CTTN: variants seen among roughly 807,000 people sequenced by gnomAD.
CTTN encodes the protein cortactin, also known as src substrate cortactin.
A neutral mutation model predicts 84.0 loss-of-function variants in CTTN; 28 were observed. The observed-to-expected ratio is 0.33, with a 90% CI of 0.25 to 0.46. CTTN has a LOEUF of 0.46. Among genes scored for constraint, CTTN ranks in the 20% least tolerant of loss-of-function variants. The pLI is 1.00. For missense variants in CTTN, 641 were observed against 723.8 expected (o/e 0.89, Z 1.31); for synonymous variants, 301 against 288.8 (o/e 1.04, Z -0.43).
intron 16 of CTTN, 124 bp downstream of exon 16, chr11:70,433,402 A>G (rs1208073248): frequency 3.8e-6 from 4 of 1,051,318 alleles, no homozygotes; most frequent in East Asian, 2.6e-5. Flanking sequence ...CTTGCTTGCT[A>G]TAGGGTCTTC....
intron 1 of CTTN, among the ~76,000 whole-genome samples, chr11:70,404,367 A>G (rs1282289884): frequency 6.6e-6 from 1 of 152,082 alleles, no homozygotes; most frequent in East Asian, 1.9e-4. Flanking sequence ...GTCCTAGGGA[A>G]GGGGTCGTGT....
intron 11 of CTTN, chr11:70,422,110 G>GT (rs2058243287): frequency 4.4e-6 from 1 of 227,018 alleles, no homozygotes; most frequent in African/African-American, 2.2e-5. Context: ...TGTTTGTTCT[G>GT]TTTGATGACA....
chr11:70,433,083 C>T lies in CTTN; in HGVS notation c.1267-18C>T, dbSNP rs768227424. The T allele has an allele frequency of 7.2e-5, 116 of 1,611,292 alleles. No individual in the cohort carries two copies. The highest frequency in any genetic ancestry group is 1.7e-4 in the Middle Eastern group (1 of 6,060). ...GCCAGCATGGGCCCCGTGCCATGTG[C>T]GTGTGACCCTTCCCCAGGATGCGGC... On this transcript the variant is annotated intron_variant, in intron 15 of 17. Coordinates refer to ENST00000301843, the MANE Select transcript of CTTN (RefSeq NM_005231.4).
At chr11:70,398,832 T>G (rs1210327678) in intron 1 of CTTN, among the ~76,000 whole-genome samples, 9 of 144,594 alleles carry the variant, frequency 6.2e-5, no homozygotes, top group African/African-American at 2.3e-4. Context: ...CGAGGACGGG[T>G]CTGGGCCCAA....
At chr11:70,434,310 C>G (rs2058390089) in intron 17 of CTTN, among the ~76,000 whole-genome samples, 3 of 152,248 alleles carry the variant, frequency 2.0e-5, no homozygotes, top group Non-Finnish European at 4.4e-5. Context: ...ATAGCATCCA[C>G]TTGTCCCTCT....
At chr11:70,432,231 C>A (rs1223308697) in intron 15 of CTTN, among the ~76,000 whole-genome samples, 3 of 152,218 alleles carry the variant, frequency 2.0e-5, no homozygotes, top group African/African-American at 4.8e-5. Context: ...CGGCCTCCCC[C>A]TCTAGTCCCT....
chr11:70,415,889 C>T, intron 7 of CTTN, 172 bp downstream of exon 7: 1 of 646,416 alleles, frequency 1.5e-6, no homozygotes, highest in Non-Finnish European at 2.8e-6. Context: ...CTGCCCTCCT[C>T]TTCATGTTTC....
intron 13 of CTTN, 92 bp downstream of exon 13, chr11:70,425,493 C>G (rs188816276): frequency 3.4e-6 from 3 of 884,014 alleles, no homozygotes; most frequent in Non-Finnish European, 5.5e-6. Context: ...AGCAGATGCA[C>G]CACTAGTTGA....
Position 70,431,188 on chromosome 11 carries a change from C to T in CTTN, c.1177-3C>T. The stretch of plus-strand genomic sequence containing the variant: ...TCTGATTGCTGTTTGTTTTCAATCA[C>T]AGGAGCAAGCCAGAGCCAAAACGCA... On this transcript the variant is annotated splice_region_variant and splice_polypyrimidine_tract_variant and intron_variant, in intron 14 of 17. Coordinates refer to ENST00000301843, the MANE Select transcript of CTTN (RefSeq NM_005231.4). 6.2e-7 allele frequency: 1 copy of T among 1,614,092 alleles called. No homozygotes were observed. Among genetic ancestry groups the T allele is most frequent in the African/African-American group, 1.3e-5 (1 of 75,046 alleles).
At position 70,435,322 on chromosome 11, in the gene CTTN, C is replaced by T. The variant is rs2058405466; in HGVS notation, c.*160C>T. 19 of 981,222 alleles carry T rather than the reference C, an allele frequency of 1.9e-5. No homozygotes were observed. The highest frequency in any genetic ancestry group is 2.3e-5 in the Non-Finnish European group (18 of 773,254). 60.8% of individuals were successfully genotyped at this position (981,222 alleles called of 1,614,324 possible). On this transcript the variant is annotated 3_prime_UTR_variant, in exon 18 of 18. Transcript: ENST00000301843. ...ATACACATTGCTTTTATATTTAATA[C>T]TTTTGCTGATGCTTTTGAAAATGTT...
At chr11:70,414,238 G>C (rs1374716805) in intron 5 of CTTN, among the ~76,000 whole-genome samples, 1 of 152,004 alleles carries the variant, frequency 6.6e-6, no homozygotes, top group South Asian at 2.1e-4. Context: ...CCAGCTACTC[G>C]GGAGGCTGAG....
Position 70,431,269 on chromosome 11 carries a change from CCCG to C in CTTN, c.1256_1258del (p.Pro419_Val420delinsLeu). The C allele has an allele frequency of 6.2e-7, 1 of 1,614,138 alleles. No individual in the cohort carries two copies. On this transcript the variant is annotated inframe_deletion, in exon 15 of 18. Coordinates refer to ENST00000301843, the MANE Select transcript of CTTN (RefSeq NM_005231.4). ...AACCGAGGAGAGGCTGCCCTCGAGC[CCCG>C]TCTATGAGGTTGGTGTCTTTGGTGT...
chr11:70,408,812 G>A (rs1227805239), intron 4 of CTTN, among the ~76,000 whole-genome samples: 2 of 152,210 alleles, frequency 1.3e-5, no homozygotes, highest in African/African-American at 2.4e-5. Context: ...CAGGACAAGA[G>A]ACTGGAATGG....
intron 5 of CTTN, among the ~76,000 whole-genome samples, chr11:70,411,712 G>A (rs565064572): frequency 6.6e-6 from 1 of 152,160 alleles, no homozygotes; most frequent in Non-Finnish European, 1.5e-5. Flanking sequence ...CGCGAATCTC[G>A]CTCACCCTAG....
chr11:70,402,156 G>GA (rs367543854), intron 1 of CTTN, among the ~76,000 whole-genome samples: 1 of 151,108 alleles, frequency 6.6e-6, no homozygotes, highest in Admixed American at 6.6e-5. Flanking sequence ...GTCTGAAAAA[G>GA]AAAAAAAAAG....
At chr11:70,422,512 G>C in intron 11 of CTTN, 1 of 1,290,786 alleles carries the variant, frequency 7.7e-7, no homozygotes, top group Non-Finnish European at 1.0e-6. Context: ...TAAAAAGCAA[G>C]AGAACAAACT....
intron 13 of CTTN, 150 bp from the exon 14 acceptor site, chr11:70,428,901 C>G (rs990537445): frequency 1.0e-6 from 1 of 957,316 alleles, no homozygotes; most frequent in African/African-American, 1.6e-5. Context: ...GACCAGTGGG[C>G]TGAGCTGGCA....
In CTTN at chr11:70,431,242, C is replaced by G; in HGVS notation, c.1228C>G (p.Pro410Ala). The G allele has an allele frequency of 6.2e-7, 1 of 1,614,176 alleles. No individual in the cohort carries two copies. Among genetic ancestry groups the G allele is most frequent in the Non-Finnish European group, 8.5e-7 (1 of 1,180,040 alleles). The change falls in exon 15 of 18, where the codon CCA (proline) becomes GCA (alanine). Residue 410 changes from proline (P) to alanine (A), a missense_variant. Physicochemically the swap from Pro to Ala is conservative, Grantham distance 27 (BLOSUM62 -1). Coordinates refer to ENST00000301843, the MANE Select transcript of CTTN (RefSeq NM_005231.4). Reference sequence around the variant, plus strand: ...GCCCCCTGTGTCGCCCGCACCTCAGCCAACCGAGGAGAGGCTGCCCTCGAG... The same window carrying G: ...GCCCCCTGTGTCGCCCGCACCTCAGGCAACCGAGGAGAGGCTGCCCTCGAG... ...QTPPVSPAPQ[P>A]TEERLPSSPV...
Position 70,429,082 on chromosome 11 carries a change from CT to C in CTTN, c.1062del (p.Phe354LeufsTer78), listed in dbSNP as rs1326033823. On this transcript the variant is annotated frameshift_variant, in exon 14 of 18. Coordinates refer to ENST00000301843, the MANE Select transcript of CTTN (RefSeq NM_005231.4). LOFTEE classifies it high-confidence loss of function. ...TSKTSNIRAN[F>X]ENLAKEKEQE... is the part of the protein sequence containing the mutation. ...GCAAAACAAGTAACATCAGAGCTAA[CT>C]TTGAAAACCTCGCTAAGGAGAAAGA... 1 of 1,614,100 alleles carries C rather than the reference CT, an allele frequency of 6.2e-7. No homozygotes were observed. Among genetic ancestry groups the C allele is most frequent in the Non-Finnish European group, 8.5e-7 (1 of 1,180,050 alleles).
Sources: allele counts gnomAD v4.1 joint callset (sites outside exome capture counted in the v4.1 genomes callset), GRCh38; gene constraint gnomAD v4.1.1; transcripts MANE v1.5; gene names NCBI Gene and HGNC (gene_info 2026-07-23, HGNC 2026-07-21).